Variants in FAM174A observed in about 807,000 individuals in gnomAD.
The protein encoded by FAM174A is family with sequence similarity 174 member A, also known as membrane protein FAM174A.
In FAM174A, 14 loss-of-function variants were observed where a neutral mutation model predicts 14.3. That is an observed-to-expected ratio of 0.98 (90% confidence interval 0.65 to 1.53). FAM174A has a LOEUF of 1.53. Ranked by LOEUF, FAM174A falls within the 40% of genes most tolerant of loss-of-function variation. FAM174A has a pLI of 0.00. For synonymous variants in FAM174A, 108 were observed against 111.4 expected, an observed-to-expected ratio of 0.97 and a Z score of 0.19; for missense variants, 241 against 249.6, an observed-to-expected ratio of 0.97 and a Z score of 0.23.
chr5:100,557,805 G>T (rs1288897461), intron 1 of FAM174A, among the ~76,000 whole-genome samples: 10 of 151,858 alleles, frequency 6.6e-5, no homozygotes, highest in Admixed American at 5.9e-4. Flanking sequence ...ATTTTTTATT[G>T]CATCTGTTTG....
chr5:100,535,614 G>C lies in FAM174A; in HGVS notation c.84G>C (p.Gly28=), dbSNP rs750779272. 6 of 1,613,126 alleles carry C rather than the reference G, an allele frequency of 3.7e-6. No individual in the cohort carries two copies. In the Admixed American group the frequency reaches 1.0e-4, roughly 27 times the overall value. ...TGCTGTTGCTGCCTGAACTAAGCGGGCCCCTGGCAGTCCTGCTGCAGGCAG... is the reference window on the plus strand; with the variant it reads ...TGCTGTTGCTGCCTGAACTAAGCGGCCCCCTGGCAGTCCTGCTGCAGGCAG... The part of the protein sequence containing the change: ...LLLLLLPELS[G]PLAVLLQAAE... Residue 28 remains glycine, a synonymous_variant, in exon 1 of 3, where the codon GGG becomes GGC. Transcript: ENST00000312637.
intron 2 of FAM174A, among the ~76,000 whole-genome samples, chr5:100,576,478 T>C (rs908277515): frequency 5.9e-5 from 9 of 152,218 alleles, no homozygotes; most frequent in African/African-American, 2.2e-4. Context: ...TTCTTAAGAA[T>C]GAGAAAGGTT....
At chr5:100,571,885 T>C (rs1016059584) in intron 2 of FAM174A, among the ~76,000 whole-genome samples, 1 of 151,856 alleles carries the variant, frequency 6.6e-6, no homozygotes, top group Non-Finnish European at 1.5e-5. Context: ...ATGGCTATAG[T>C]TACATGTGTT....
intron 2 of FAM174A, among the ~76,000 whole-genome samples, chr5:100,574,681 A>G (rs1016447905): frequency 6.6e-6 from 1 of 152,122 alleles, no homozygotes; most frequent in African/African-American, 2.4e-5. Context: ...CTCTTATTGA[A>G]TAAAAATTAG....
chr5:100,539,077 CT>C (rs1162557873), intron 1 of FAM174A, among the ~76,000 whole-genome samples: 1 of 152,048 alleles, frequency 6.6e-6, no homozygotes, highest in Non-Finnish European at 1.5e-5. Context: ...TAACCCTCTA[CT>C]TTTTTTAAAA....
At chr5:100,558,629 GGGT>G (rs1746451521) in intron 1 of FAM174A, among the ~76,000 whole-genome samples, 1 of 151,928 alleles carries the variant, frequency 6.6e-6, no homozygotes, top group Non-Finnish European at 1.5e-5. Context: ...GTCCTGTATT[GGGT>G]GCATATATAT....
intron 1 of FAM174A, among the ~76,000 whole-genome samples, chr5:100,543,027 A>C (rs1348449667): frequency 6.6e-6 from 1 of 152,096 alleles, no homozygotes; most frequent in Non-Finnish European, 1.5e-5. Context: ...CTAGGATATT[A>C]AGACTGCAGT....
intron 1 of FAM174A, among the ~76,000 whole-genome samples, chr5:100,556,419 A>G (rs887829625): frequency 9.2e-5 from 14 of 152,126 alleles, no homozygotes; most frequent in African/African-American, 3.1e-4. Context: ...TGACTTGGCG[A>G]TGTGGGCTCT....
intron 1 of FAM174A, among the ~76,000 whole-genome samples, chr5:100,547,707 A>G (rs1746190887): frequency 6.6e-6 from 1 of 152,148 alleles, no homozygotes; most frequent in African/African-American, 2.4e-5. Context: ...GAGTATATAC[A>G]TCCAGATGAT....
At chr5:100,554,260 A>T (rs1288350920) in intron 1 of FAM174A, among the ~76,000 whole-genome samples, 2 of 149,610 alleles carry the variant, frequency 1.3e-5, no homozygotes, top group Non-Finnish European at 3.0e-5. Context: ...TCATTAAATG[A>T]TATGTTTCAA....
At chr5:100,563,407 A>T (rs1746570019) in intron 2 of FAM174A, among the ~76,000 whole-genome samples, 1 of 151,816 alleles carries the variant, frequency 6.6e-6, no homozygotes, top group South Asian at 2.1e-4. Flanking sequence ...AGACAAAAAA[A>T]AAAAAGATCA....
intron 2 of FAM174A, among the ~76,000 whole-genome samples, chr5:100,575,877 T>G (rs1041283651): frequency 6.6e-6 from 1 of 152,030 alleles, no homozygotes; most frequent in African/African-American, 2.4e-5. Context: ...GGGCAAAGGA[T>G]ATGAACAGTC....
At chr5:100,571,010 C>T (rs1160385536) in intron 2 of FAM174A, among the ~76,000 whole-genome samples, 1 of 151,566 alleles carries the variant, frequency 6.6e-6, no homozygotes, top group African/African-American at 2.4e-5. Context: ...AATGTTAAAC[C>T]AACATAATAG....
chr5:100,569,231 C>T (rs1407614775), intron 2 of FAM174A, among the ~76,000 whole-genome samples: 1 of 151,672 alleles, frequency 6.6e-6, no homozygotes, highest in South Asian at 2.1e-4. Flanking sequence ...CTGTATTATA[C>T]TTTTTTGTTG....
chr5:100,570,860 T>C (rs1746763797), intron 2 of FAM174A, among the ~76,000 whole-genome samples: 1 of 152,010 alleles, frequency 6.6e-6, no homozygotes, highest in Admixed American at 6.6e-5. Flanking sequence ...TAAGTAAATT[T>C]CTTACTATTT....
intron 1 of FAM174A, among the ~76,000 whole-genome samples, chr5:100,541,707 A>G (rs1746056702): frequency 6.6e-6 from 1 of 152,036 alleles, no homozygotes; most frequent in African/African-American, 2.4e-5. Context: ...TTTCCATTGA[A>G]ATGTTCCCAT....
intron 2 of FAM174A, among the ~76,000 whole-genome samples, chr5:100,567,271 A>G (rs545651148): frequency 2.6e-5 from 4 of 151,870 alleles, no homozygotes; most frequent in Non-Finnish European, 4.4e-5. Flanking sequence ...CTATTTACCT[A>G]TTCATTAATT....
chr5:100,561,251 C>G (rs747767485), intron 1 of FAM174A, among the ~76,000 whole-genome samples: 36 of 151,962 alleles, frequency 2.4e-4, no homozygotes, highest in Non-Finnish European at 3.4e-4. Context: ...TTGAATTTCT[C>G]TAAGCCAGTG....
At chr5:100,568,243 A>G (rs542788086) in intron 2 of FAM174A, among the ~76,000 whole-genome samples, 219 of 151,952 alleles carry the variant, frequency 1.4e-3, no homozygotes, top group Non-Finnish European at 2.4e-3. Flanking sequence ...CGTCTTCAAA[A>G]TGGTTTCTGT....
Sources: gnomAD v4.1 joint callset for allele counts (sites outside exome capture counted in the v4.1 genomes callset) on GRCh38, gnomAD v4.1.1 for gene constraint, MANE v1.5 for transcripts, NCBI Gene and HGNC (gene_info 2026-07-23, HGNC 2026-07-21) for gene names.